LCORL: variants seen among roughly 807,000 people sequenced by gnomAD.
The protein encoded by LCORL is ligand dependent nuclear receptor corepressor like.
Under a neutral mutation model 141.8 loss-of-function variants are expected in LCORL, and 41 were observed. The ratio of observed to expected loss-of-function variants is 0.29; its 90% confidence interval spans 0.23 to 0.38. LCORL has a LOEUF of 0.38. Among genes scored for constraint, LCORL ranks in the 10% least tolerant of loss-of-function variants. The pLI is 1.00. For synonymous variants in LCORL, 618 were observed against 694.1 expected, an observed-to-expected ratio of 0.89 and a Z score of 1.72; for missense variants, 1,759 against 2,035.0, an observed-to-expected ratio of 0.86 and a Z score of 2.61.
At chr4:17,875,114 A>G in exon 7 of LCORL, 5 of 1,233,426 alleles carry the variant, frequency 4.1e-6, no homozygotes, top group Non-Finnish European at 5.1e-6. Flanking sequence ...ACTTTTCTTC[A>G]GGCAGATTTT....
At chr4:18,001,387 AACGGAAAGGCTAAGGCAGT>A (rs1721936002) in intron 1 of LCORL, among the ~76,000 whole-genome samples, 1 of 152,196 alleles carries the variant, frequency 6.6e-6, no homozygotes. Context: ...TAGAATGAAA[AACGGAAAGGCTAAGGCAGT>A]ACAGAGCAGG....
intron 4 of LCORL, among the ~76,000 whole-genome samples, chr4:17,916,016 C>T (rs1205808926): frequency 6.6e-6 from 1 of 152,150 alleles, no homozygotes; most frequent in Admixed American, 6.5e-5. Flanking sequence ...TCTTAAAAAG[C>T]TTGAAACTTG....
At chr4:17,990,479 C>A (rs997404483) in intron 1 of LCORL, among the ~76,000 whole-genome samples, 4 of 148,036 alleles carry the variant, frequency 2.7e-5, no homozygotes, top group African/African-American at 9.9e-5. Flanking sequence ...GTCAACTGTG[C>A]CTTATAACAA....
At chr4:17,950,851 T>C (rs1739608804) in intron 4 of LCORL, among the ~76,000 whole-genome samples, 1 of 151,958 alleles carries the variant, frequency 6.6e-6, no homozygotes, top group South Asian at 2.1e-4. Context: ...ACAAGTGAGT[T>C]TGATCATGAC....
intron 7 of LCORL, among the ~76,000 whole-genome samples, chr4:17,849,856 C>A (rs1480969161): frequency 6.6e-6 from 1 of 151,666 alleles, no homozygotes; most frequent in African/African-American, 2.4e-5. Flanking sequence ...AAGCTGGAGG[C>A]ATCACGCTAC....
At position 17,898,274 on chromosome 4, in the gene LCORL, C is replaced by A. The variant is rs183373502; in HGVS notation, c.682+10820G>T. 5.3e-4 allele frequency among the ~76,000 whole-genome samples: 80 copies of A among 152,196 alleles called. No individual in the cohort carries two copies. In the East Asian group the frequency reaches 0.014, roughly 26 times the overall value. On this transcript the variant is annotated intron_variant, in intron 5 of 7. Coordinates refer to ENST00000635767, the Ensembl canonical transcript of LCORL. ...GTATAGTCAAAATGCTGGGTAAAAT[C>A]ACTTGATATAATTCTTTTCTCAATG...
intron 7 of LCORL, among the ~76,000 whole-genome samples, chr4:17,849,637 G>A (rs570317060): frequency 1.3e-5 from 2 of 152,270 alleles, no homozygotes; most frequent in East Asian, 1.9e-4. Flanking sequence ...CCAAAGGAAC[G>A]CAGCTCCTCA....
intron 1 of LCORL, among the ~76,000 whole-genome samples, chr4:17,983,327 T>C (rs1328061723): frequency 6.6e-6 from 1 of 152,202 alleles, no homozygotes; most frequent in Non-Finnish European, 1.5e-5. Flanking sequence ...TTGATAGAAA[T>C]AGCAGTGAAT....
chr4:17,872,516 G>A (rs1726469922), intron 7 of LCORL, among the ~76,000 whole-genome samples: 1 of 152,094 alleles, frequency 6.6e-6, no homozygotes, highest in South Asian at 2.1e-4. Context: ...AGCAGTCCTG[G>A]GCTGCATGTG....
chr4:17,943,529 A>G lies in LCORL; in HGVS notation c.430+18374T>C, dbSNP rs1460800134. On this transcript the variant is annotated intron_variant, in intron 4 of 7. Coordinates refer to ENST00000635767, the Ensembl canonical transcript of LCORL. ...TGATTTTTCTTCTGGAAGGCTTATG[A>G]GTTAGCTGGTTCAAAGGCTGGCAAG... 2.0e-5 allele frequency among the ~76,000 whole-genome samples: 3 copies of G among 152,330 alleles called. No homozygotes were observed. The South Asian group carries it at 6.2e-4, about 32-fold the overall frequency.
chr4:17,962,591 A>G (rs907654310), intron 3 of LCORL, among the ~76,000 whole-genome samples: 1 of 152,052 alleles, frequency 6.6e-6, no homozygotes, highest in Non-Finnish European at 1.5e-5. Context: ...AAAACAGCAC[A>G]TTATTCCCCT....
chr4:17,909,544 G>A (rs1732169785), intron 4 of LCORL, among the ~76,000 whole-genome samples, 199 bp from the exon 5 acceptor site: 1 of 151,914 alleles, frequency 6.6e-6, no homozygotes, highest in African/African-American at 2.4e-5. Context: ...CAAAAATGTG[G>A]CATATTTAAT....
chr4:17,921,977 G>A (rs575849184), intron 4 of LCORL, among the ~76,000 whole-genome samples: 1 of 152,290 alleles, frequency 6.6e-6, no homozygotes, highest in South Asian at 2.1e-4. Flanking sequence ...TTTGACAGGG[G>A]CTCTCAGGCT....
At chr4:17,985,440 T>C (rs1435233823) in intron 1 of LCORL, among the ~76,000 whole-genome samples, 1 of 152,220 alleles carries the variant, frequency 6.6e-6, no homozygotes, top group Non-Finnish European at 1.5e-5. Context: ...TTTATGAATC[T>C]GGTTGCTCCT....
At chr4:17,892,478 G>C (rs890229480) in intron 5 of LCORL, among the ~76,000 whole-genome samples, 2 of 152,032 alleles carry the variant, frequency 1.3e-5, no homozygotes, top group African/African-American at 2.4e-5. Flanking sequence ...CCAAAGTGCT[G>C]GGATTACAGG....
chr4:17,913,318 A>G (rs1413591228), intron 4 of LCORL, among the ~76,000 whole-genome samples: 2 of 152,224 alleles, frequency 1.3e-5, no homozygotes, highest in African/African-American at 4.8e-5. Flanking sequence ...CAGAGCTTTC[A>G]ATGAAAAATT....
At chr4:17,845,935 C>A (rs1560242835) in intron 7 of LCORL, 34 bp from the exon 8 acceptor site, 2 of 1,537,712 alleles carry the variant, frequency 1.3e-6, no homozygotes, top group Non-Finnish European at 1.8e-6. Context: ...TTTAGTTTTA[C>A]TTTAATTTCA....
chr4:17,949,325 C>T (rs1209508809), intron 4 of LCORL, among the ~76,000 whole-genome samples: 1 of 152,080 alleles, frequency 6.6e-6, no homozygotes, highest in Admixed American at 6.6e-5. Context: ...TAAATGAATC[C>T]TCTCAGGACT....
At chr4:18,015,465 T>C (rs1288881342) in intron 1 of LCORL, among the ~76,000 whole-genome samples, 1 of 152,170 alleles carries the variant, frequency 6.6e-6, no homozygotes, top group Non-Finnish European at 1.5e-5. Flanking sequence ...TTCATCAATA[T>C]GCCTATTTTA....
Sources: allele counts gnomAD v4.1 joint callset (sites outside exome capture counted in the v4.1 genomes callset), GRCh38; gene constraint gnomAD v4.1.1; transcripts MANE v1.5; gene names NCBI Gene and HGNC (gene_info 2026-07-23, HGNC 2026-07-21).